Variants in LRCH1 observed in about 807,000 individuals in gnomAD.
The protein encoded by LRCH1 is leucine rich repeats and calponin homology domain containing 1.
LRCH1 carries 23 observed loss-of-function variants against 94.9 expected under a neutral mutation model. The ratio of observed to expected loss-of-function variants is 0.24; its 90% confidence interval spans 0.17 to 0.34. The LOEUF is 0.34. Among genes scored for constraint, LRCH1 ranks in the 10% least tolerant of loss-of-function variants. LRCH1 has a pLI of 1.00. For missense variants in LRCH1, 790 were observed against 945.9 expected (o/e 0.84, Z 2.16); for synonymous variants, 364 against 354.9 (o/e 1.03, Z -0.29).
At chr13:46,571,317 C>T (rs564966458) in intron 1 of LRCH1, among the ~76,000 whole-genome samples, 341 of 152,274 alleles carry the variant, frequency 2.2e-3, no homozygotes, top group Non-Finnish European at 3.7e-3. Flanking sequence ...TGATCAGCGG[C>T]GTGTTTCCAT....
chr13:46,628,018 A>G (rs1412460403), intron 1 of LRCH1, among the ~76,000 whole-genome samples: 1 of 152,152 alleles, frequency 6.6e-6, no homozygotes, highest in Non-Finnish European at 1.5e-5. Flanking sequence ...TATGGGAAAT[A>G]TTGGTTTGGG....
intron 1 of LRCH1, among the ~76,000 whole-genome samples, chr13:46,559,683 CCT>C (rs1305421954): frequency 6.6e-6 from 1 of 152,170 alleles, no homozygotes; most frequent in Admixed American, 6.5e-5. Context: ...GGCCAGGGAA[CCT>C]CTGGGAATTT....
intron 1 of LRCH1, among the ~76,000 whole-genome samples, chr13:46,647,440 T>A (rs1434692664): frequency 6.6e-6 from 1 of 152,190 alleles, no homozygotes; most frequent in Non-Finnish European, 1.5e-5. Context: ...CATCTGTTCA[T>A]ATCTATTTTT....
chr13:46,554,791 A>G (rs1271374777), intron 1 of LRCH1, among the ~76,000 whole-genome samples: 1 of 152,156 alleles, frequency 6.6e-6, no homozygotes, highest in East Asian at 1.9e-4. Context: ...CAAGCGCCCA[A>G]CATTTCCCAG....
intron 18 of LRCH1, among the ~76,000 whole-genome samples, chr13:46,729,324 G>A (rs1402049436): frequency 1.3e-5 from 2 of 152,054 alleles, no homozygotes; most frequent in Non-Finnish European, 1.5e-5. Flanking sequence ...GATCACTTGC[G>A]CTCAGGAGTT....
intron 1 of LRCH1, among the ~76,000 whole-genome samples, chr13:46,602,818 T>C (rs1319371560): frequency 1.3e-5 from 2 of 152,042 alleles, no homozygotes; most frequent in African/African-American, 4.8e-5. Flanking sequence ...CTGACTGCGG[T>C]GGTGCCTGTA....
intron 1 of LRCH1, among the ~76,000 whole-genome samples, chr13:46,615,844 A>G (rs1354835336): frequency 2.0e-5 from 3 of 152,086 alleles, no homozygotes; most frequent in Non-Finnish European, 4.4e-5. Flanking sequence ...AGTTTGATGG[A>G]AAGATTTCCC....
chr13:46,560,923 A>T (rs2050123283), intron 1 of LRCH1, among the ~76,000 whole-genome samples: 1 of 152,236 alleles, frequency 6.6e-6, no homozygotes, highest in African/African-American at 2.4e-5. Context: ...ATTCAAAAAT[A>T]AAGTGAGATT....
chr13:46,595,763 G>A (rs2137971211), intron 1 of LRCH1, among the ~76,000 whole-genome samples: 1 of 152,158 alleles, frequency 6.6e-6, no homozygotes, highest in Admixed American at 6.5e-5. Context: ...AAAAAGAACA[G>A]GAAAGGCCTT....
intron 18 of LRCH1, chr13:46,750,495 AGTAC>A: frequency 7.7e-7 from 1 of 1,296,300 alleles, no homozygotes; most frequent in East Asian, 2.5e-5. Flanking sequence ...TTACAATGAG[AGTAC>A]AATCATCTAA....
chr13:46,733,109 C>T (rs1305830554), intron 18 of LRCH1, among the ~76,000 whole-genome samples: 1 of 152,190 alleles, frequency 6.6e-6, no homozygotes, highest in East Asian at 1.9e-4. Context: ...ATCACAGTTG[C>T]TCCTCCACCT....
chr13:46,747,815 A>C (rs1566266035), downstream of LRCH1, among the ~76,000 whole-genome samples: 1 of 151,874 alleles, frequency 6.6e-6, no homozygotes, highest in East Asian at 1.9e-4. Flanking sequence ...ATAGCTCACT[A>C]CAGCCTCAAA....
chr13:46,610,829 G>A (rs780381848), intron 1 of LRCH1, among the ~76,000 whole-genome samples: 5 of 152,136 alleles, frequency 3.3e-5, no homozygotes, highest in South Asian at 2.1e-4. Flanking sequence ...ATATGTGTCC[G>A]TCTGACATGT....
chr13:46,616,850 A>G (rs2050815485), intron 1 of LRCH1, among the ~76,000 whole-genome samples: 1 of 152,180 alleles, frequency 6.6e-6, no homozygotes, highest in Admixed American at 6.5e-5. Context: ...AGGTTTTGGG[A>G]TAGGCGGTGA....
chr13:46,750,168 A>G (rs759898919), intron 18 of LRCH1, among the ~76,000 whole-genome samples: 1 of 152,194 alleles, frequency 6.6e-6, no homozygotes, highest in Non-Finnish European at 1.5e-5. Context: ...TGCCTTTAAA[A>G]TGTGTCAGGG....
intron 1 of LRCH1, among the ~76,000 whole-genome samples, chr13:46,637,781 C>T (rs181991601): frequency 1.3e-5 from 2 of 151,986 alleles, no homozygotes; most frequent in African/African-American, 2.4e-5. Flanking sequence ...TTTTACTTGT[C>T]ATTTGTGTTT....
chr13:46,595,017 C>G (rs1287336292), intron 1 of LRCH1, among the ~76,000 whole-genome samples: 1 of 151,996 alleles, frequency 6.6e-6, no homozygotes, highest in Non-Finnish European at 1.5e-5. Flanking sequence ...TCTGGGTGTT[C>G]TCCTAGCTTC....
intron 7 of LRCH1, among the ~76,000 whole-genome samples, chr13:46,691,783 G>A (rs983488790): frequency 6.6e-6 from 1 of 152,108 alleles, no homozygotes; most frequent in Non-Finnish European, 1.5e-5. Context: ...TCTGCCTCCC[G>A]GGTTCAAGTG....
chr13:46,553,305 G>A lies in LRCH1; in HGVS notation c.-92G>A. 9.4e-7 allele frequency: 1 copy of A among 1,069,496 alleles called. No individual in the cohort carries two copies. Among genetic ancestry groups the A allele is most frequent in the Non-Finnish European group, 1.3e-6 (1 of 749,192 alleles). The allele number at this position is 1,069,496 out of a possible 1,614,324, so 66.3% of individuals were successfully genotyped here. On this transcript the variant is annotated 5_prime_UTR_variant, in exon 1 of 20. Transcript: ENST00000389797. ...CAGCGCCTTTCGGTGGAGCACTGCG[G>A]CACTCAGCCCGAGCTGCCGTTTTCC... is the stretch of plus-strand genomic sequence containing the variant.
Sources: allele counts gnomAD v4.1 joint callset (sites outside exome capture counted in the v4.1 genomes callset), GRCh38; gene constraint gnomAD v4.1.1; transcripts MANE v1.5; gene names NCBI Gene and HGNC (gene_info 2026-07-23, HGNC 2026-07-21).